Variants in CRB1 observed in about 807,000 individuals in gnomAD.
CRB1 encodes the protein crumbs cell polarity complex component 1, also known as protein crumbs homolog 1.
CRB1 carries 83 observed loss-of-function variants against 120.0 expected under a neutral mutation model. That is an observed-to-expected ratio of 0.69 (90% confidence interval 0.58 to 0.83). The LOEUF is 0.83. CRB1 is among the 40% of genes least tolerant of loss of function. The probability of loss-of-function intolerance (pLI) is 0.00; values close to 1 mark genes in which losing one functional copy is unlikely to be tolerated. For missense variants in CRB1, 1,699 were observed against 1,687.6 expected (o/e 1.01, Z -0.12); for synonymous variants, 625 against 612.5 (o/e 1.02, Z -0.30).
At chr1:197,456,952 T>G (rs193097492) in intron 11 of CRB1, among the ~76,000 whole-genome samples, 4 of 152,278 alleles carry the variant, frequency 2.6e-5, no homozygotes, top group Admixed American at 1.3e-4. Flanking sequence ...ATGGTTGAAT[T>G]GTAGAAAATC....
At chr1:197,266,351 G>T (rs1261558841), upstream of CRB1, among the ~76,000 whole-genome samples, 1 of 151,946 alleles carries the variant, frequency 6.6e-6, no homozygotes, top group Non-Finnish European at 1.5e-5. Flanking sequence ...GTGGTGCAAG[G>T]GGCAAATAAA....
chr1:197,461,888 C>T (rs1666548007), intron 11 of CRB1, among the ~76,000 whole-genome samples: 1 of 152,126 alleles, frequency 6.6e-6, no homozygotes, highest in Non-Finnish European at 1.5e-5. Flanking sequence ...ACCTGCAAAA[C>T]ATCATGAACT....
chr1:197,290,608 G>C lies in CRB1; in HGVS notation c.70+22126G>C, dbSNP rs544960790. 5.9e-5 allele frequency among the ~76,000 whole-genome samples: 9 copies of C among 151,624 alleles called. 1 individual carries two copies. In the South Asian group the frequency reaches 1.9e-3, roughly 32 times the overall value. ...CCAACAGGACAGACACAGTATGAACGTCCATTGAGTGTCATGCTGATTTTC... is the reference window on the plus strand; with the variant it reads ...CCAACAGGACAGACACAGTATGAACCTCCATTGAGTGTCATGCTGATTTTC... On this transcript the variant is annotated intron_variant, in intron 1 of 11. Coordinates refer to ENST00000367400, the MANE Select transcript of CRB1 (RefSeq NM_201253.3).
chr1:197,370,576 A>G (rs946070958), intron 5 of CRB1, among the ~76,000 whole-genome samples: 2 of 152,250 alleles, frequency 1.3e-5, no homozygotes, highest in East Asian at 3.8e-4. Context: ...CATTGGATCA[A>G]CAATGAAATC....
chr1:197,217,365 T>C, the CRB1 span, among the ~76,000 whole-genome samples: 6 of 152,110 alleles, frequency 3.9e-5, no homozygotes, highest in Admixed American at 3.3e-4. Flanking sequence ...ACACAAAAAC[T>C]TGTACATGAA....
intron 5 of CRB1, among the ~76,000 whole-genome samples, chr1:197,360,835 G>A (rs890896163): frequency 3.3e-5 from 5 of 152,148 alleles, no homozygotes; most frequent in African/African-American, 4.8e-5. Context: ...GAGAGCAGAC[G>A]TCTTGCTTCA....
Position 197,478,082 on chromosome 1 carries a change from C to T in CRB1, c.*203C>T. ...TTTATTATATTATATCAGCCAATTGCAAAAAAAGTCTGTGCCAGTAATTTC... is the reference window on the plus strand; with the variant it reads ...TTTATTATATTATATCAGCCAATTGTAAAAAAAGTCTGTGCCAGTAATTTC... On this transcript the variant is annotated 3_prime_UTR_variant, in exon 12 of 12. Transcript: ENST00000367400. 1 of 596,446 alleles carries T rather than the reference C, an allele frequency of 1.7e-6. No individual in the cohort carries two copies. Among genetic ancestry groups the T allele is most frequent in the Non-Finnish European group, 3.0e-6 (1 of 338,772 alleles). The allele number at this position is 596,446 out of a possible 1,614,324, so 36.9% of individuals were successfully genotyped here.
At chr1:197,301,504 A>G (rs954730493) in intron 1 of CRB1, among the ~76,000 whole-genome samples, 1 of 152,076 alleles carries the variant, frequency 6.6e-6, no homozygotes, top group African/African-American at 2.4e-5. Flanking sequence ...TTATAAGGTG[A>G]ACACTCCGTA....
intron 6 of CRB1, among the ~76,000 whole-genome samples, chr1:197,424,401 A>G (rs1299354642): frequency 2.6e-5 from 4 of 152,208 alleles, no homozygotes; most frequent in African/African-American, 7.2e-5. Context: ...GAAGAAAAGT[A>G]TCTCGAGCCA....
At chr1:197,361,723 T>A (rs980371463) in intron 5 of CRB1, among the ~76,000 whole-genome samples, 1 of 152,004 alleles carries the variant, frequency 6.6e-6, no homozygotes, top group Non-Finnish European at 1.5e-5. Context: ...TTTCTCCCCT[T>A]TTATGTCCAC....
intron 4 of CRB1, among the ~76,000 whole-genome samples, chr1:197,350,057 G>A (rs995114070): frequency 2.0e-5 from 3 of 147,942 alleles, no homozygotes; most frequent in African/African-American, 5.1e-5. Flanking sequence ...CCGAGATTGC[G>A]CCACTGCAGT....
chr1:197,379,211 C>T (rs1022720571), intron 5 of CRB1, among the ~76,000 whole-genome samples: 1 of 151,958 alleles, frequency 6.6e-6, no homozygotes, highest in Non-Finnish European at 1.5e-5. Context: ...AACATCAAGG[C>T]AATTATAAAT....
At chr1:197,443,433 A>G (rs1665556200) in intron 11 of CRB1, 1 of 151,776 alleles carries the variant, frequency 6.6e-6, no homozygotes, top group African/African-American at 2.4e-5. Flanking sequence ...AAATAGAACA[A>G]TTTTTCTGTT....
intron 5 of CRB1, among the ~76,000 whole-genome samples, chr1:197,391,006 A>G (rs1302408740): frequency 6.6e-6 from 1 of 152,100 alleles, no homozygotes; most frequent in East Asian, 1.9e-4. Context: ...TCAAGAAACT[A>G]TTTCTCCAGG....
At chr1:197,461,764 C>T (rs1354490302) in intron 11 of CRB1, among the ~76,000 whole-genome samples, 1 of 152,156 alleles carries the variant, frequency 6.6e-6, no homozygotes, top group Non-Finnish European at 1.5e-5. Flanking sequence ...ACCTGGCAAA[C>T]AATCCAAGTC....
intron 1 of CRB1, among the ~76,000 whole-genome samples, chr1:197,272,365 A>C (rs1386492003): frequency 6.6e-6 from 1 of 152,162 alleles, no homozygotes; most frequent in Non-Finnish European, 1.5e-5. Flanking sequence ...AAAGTTACCC[A>C]GGGTTTCCTA....
At chr1:197,363,865 G>T in intron 5 of CRB1, 1 of 926,316 alleles carries the variant, frequency 1.1e-6, no homozygotes, top group Non-Finnish European at 1.8e-6. Flanking sequence ...GGTATAGGAA[G>T]GGAACGTGGA....
At chr1:197,222,946 G>C in the CRB1 span, 1 of 911,866 alleles carries the variant, frequency 1.1e-6, no homozygotes, top group Non-Finnish European at 1.9e-6. Flanking sequence ...CTCTGCAAGA[G>C]TTTGCAGATA....
At chr1:197,417,048 A>T (rs760022928) in intron 5 of CRB1, among the ~76,000 whole-genome samples, 4 of 152,208 alleles carry the variant, frequency 2.6e-5, no homozygotes, top group Non-Finnish European at 5.9e-5. Context: ...AAAATTCTTC[A>T]GAGGCAATTT....
Sources: gnomAD v4.1 joint callset for allele counts (sites outside exome capture counted in the v4.1 genomes callset) on GRCh38, gnomAD v4.1.1 for gene constraint, MANE v1.5 for transcripts, NCBI Gene and HGNC (gene_info 2026-07-23, HGNC 2026-07-21) for gene names.